Variants in EYS observed in about 807,000 individuals in gnomAD.
EYS encodes EGF-like photoreceptor maintenance factor, also known as protein eyes shut homolog.
Under a neutral mutation model 282.1 loss-of-function variants are expected in EYS, and 250 were observed. The ratio of observed to expected loss-of-function variants is 0.89; its 90% confidence interval spans 0.80 to 0.98. The LOEUF (loss-of-function observed/expected upper bound fraction) is 0.98. EYS is among the 50% of genes least tolerant of loss of function. EYS has a pLI of 0.00. For missense variants in EYS, 4,016 were observed against 3,709.0 expected (o/e 1.08, Z -2.15); for synonymous variants, 1,355 against 1,282.9 (o/e 1.06, Z -1.20).
At chr6:64,436,611 T>C (rs1457023031) in intron 27 of EYS, among the ~76,000 whole-genome samples, 3 of 151,796 alleles carry the variant, frequency 2.0e-5, no homozygotes, top group African/African-American at 4.8e-5. Context: ...ATAACAGCAA[T>C]TGAGCAAGGC....
intron 29 of EYS, among the ~76,000 whole-genome samples, chr6:64,333,666 C>A (rs1044823387): frequency 2.0e-5 from 3 of 152,142 alleles, no homozygotes; most frequent in African/African-American, 7.2e-5. Flanking sequence ...TCTCCTAGGA[C>A]TTGGTATTCC....
At chr6:63,858,377 A>G (rs1472065454) in intron 36 of EYS, among the ~76,000 whole-genome samples, 2 of 152,194 alleles carry the variant, frequency 1.3e-5, no homozygotes, top group African/African-American at 4.8e-5. Flanking sequence ...GCTATTTTTT[A>G]AGAACTGAAA....
intron 35 of EYS, among the ~76,000 whole-genome samples, chr6:63,925,877 C>A (rs1403806776): frequency 2.6e-5 from 4 of 152,162 alleles, no homozygotes; most frequent in Non-Finnish European, 5.9e-5. Context: ...ATCTCCTGAC[C>A]TCGTGATCCG....
At chr6:64,733,884 A>G (rs1772067651) in intron 22 of EYS, 2 of 156,720 alleles carry the variant, frequency 1.3e-5, no homozygotes, top group Admixed American at 6.5e-5. Context: ...TATCCTCCTC[A>G]TAGGCTAAAT....
chr6:64,408,024 G>A (rs1773779134), intron 28 of EYS, among the ~76,000 whole-genome samples: 1 of 152,202 alleles, frequency 6.6e-6, no homozygotes, highest in African/African-American at 2.4e-5. Context: ...ACGGCGTCCA[G>A]CCGCACACAT....
intron 31 of EYS, among the ~76,000 whole-genome samples, chr6:64,152,879 CAGGACAA>C (rs761348436): frequency 2.6e-5 from 4 of 152,052 alleles, no homozygotes; most frequent in Non-Finnish European, 5.9e-5. Context: ...AGTAGCTTAG[CAGGACAA>C]AGGTAACAAT....
At chr6:64,215,454 C>T (rs2150330053) in intron 31 of EYS, among the ~76,000 whole-genome samples, 1 of 151,888 alleles carries the variant, frequency 6.6e-6, no homozygotes, top group East Asian at 1.9e-4. Context: ...ATATTCAGGG[C>T]ACAGATTGAA....
At chr6:63,912,757 GT>G (rs1241363146) in intron 35 of EYS, among the ~76,000 whole-genome samples, 3 of 151,992 alleles carry the variant, frequency 2.0e-5, no homozygotes, top group Non-Finnish European at 4.4e-5. Context: ...AGATCTGGTC[GT>G]TTAGAAGTGT....
At chr6:64,580,426 G>C (rs1766023929) in intron 26 of EYS, among the ~76,000 whole-genome samples, 1 of 152,028 alleles carries the variant, frequency 6.6e-6, no homozygotes, top group Non-Finnish European at 1.5e-5. Context: ...TTGGGCCTTA[G>C]GACAGGAATT....
intron 30 of EYS, among the ~76,000 whole-genome samples, chr6:64,298,685 A>G (rs1243416179): frequency 6.6e-6 from 1 of 152,138 alleles, no homozygotes; most frequent in Non-Finnish European, 1.5e-5. Flanking sequence ...CTTAGCAATT[A>G]TTTTAATTAT....
chr6:64,219,909 T>C (rs1309113907), intron 31 of EYS, among the ~76,000 whole-genome samples: 1 of 139,836 alleles, frequency 7.2e-6, no homozygotes, highest in African/African-American at 2.5e-5. Context: ...GAAACCATCA[T>C]TCTCAGCAAA....
chr6:64,578,423 C>G (rs1335057930), intron 26 of EYS, among the ~76,000 whole-genome samples: 2 of 151,956 alleles, frequency 1.3e-5, no homozygotes, highest in Non-Finnish European at 2.9e-5. Context: ...TTTTCTTCTC[C>G]CCTATAGCTA....
intron 2 of EYS, among the ~76,000 whole-genome samples, chr6:65,560,740 T>C (rs914474389): frequency 6.6e-6 from 1 of 152,068 alleles, no homozygotes; most frequent in African/African-American, 2.4e-5. Context: ...CGTAATATAA[T>C]GAATATACAA....
At chr6:64,170,893 ACT>A (rs1424614704) in intron 31 of EYS, among the ~76,000 whole-genome samples, 1 of 151,674 alleles carries the variant, frequency 6.6e-6, no homozygotes, top group East Asian at 1.9e-4. Flanking sequence ...TTTTTAAATC[ACT>A]CTGCTGAGAG....
chr6:64,303,015 C>T (rs909241851), intron 30 of EYS, among the ~76,000 whole-genome samples: 1 of 152,092 alleles, frequency 6.6e-6, no homozygotes, highest in Non-Finnish European at 1.5e-5. Context: ...CTACAGGACC[C>T]GCATCCCCAT....
At chr6:64,045,436 T>C (rs866052650) in intron 33 of EYS, among the ~76,000 whole-genome samples, 2 of 130,884 alleles carry the variant, frequency 1.5e-5, no homozygotes, top group Non-Finnish European at 3.1e-5. Context: ...TATTTTATTT[T>C]ATTTATTTTA....
intron 5 of EYS, among the ~76,000 whole-genome samples, chr6:65,476,521 A>G (rs1765409980): frequency 6.6e-6 from 1 of 151,812 alleles, no homozygotes; most frequent in South Asian, 2.1e-4. Flanking sequence ...TATATTAATT[A>G]TTTCCAAATC....
At chr6:65,310,266 C>T (rs1206277973) in intron 11 of EYS, among the ~76,000 whole-genome samples, 2 of 152,112 alleles carry the variant, frequency 1.3e-5, no homozygotes, top group African/African-American at 2.4e-5. Context: ...ATTGCTTGAA[C>T]CCAGGAGGCA....
chr6:64,976,565 T>C lies in EYS; in HGVS notation c.2259+21017A>G, dbSNP rs1308634670. 2.0e-5 allele frequency among the ~76,000 whole-genome samples: 3 copies of C among 151,920 alleles called. No individual in the cohort carries two copies. In the South Asian group the frequency reaches 6.2e-4, roughly 31 times the overall value. On this transcript the variant is annotated intron_variant, in intron 14 of 42. Coordinates refer to ENST00000503581, the MANE Select transcript of EYS (RefSeq NM_001142800.2). ...AGGAAAGAGAGGACTCCCCCTTTTATAAAAGCAGTAATCTCATTTATTGGG... is the reference window on the plus strand; with the variant it reads ...AGGAAAGAGAGGACTCCCCCTTTTACAAAAGCAGTAATCTCATTTATTGGG...
Sources: gnomAD v4.1 joint callset for allele counts (sites outside exome capture counted in the v4.1 genomes callset) on GRCh38, gnomAD v4.1.1 for gene constraint, MANE v1.5 for transcripts, NCBI Gene and HGNC (gene_info 2026-07-23, HGNC 2026-07-21) for gene names.